The following LYN variants were observed in gnomAD, a reference collection of about 807,000 sequenced individuals.
LYN encodes tyrosine-protein kinase Lyn.
LYN carries 12 observed loss-of-function variants against 65.0 expected under a neutral mutation model. The ratio of observed to expected loss-of-function variants is 0.18; its 90% CI spans 0.12 to 0.30. The LOEUF is 0.30. LYN is among the 10% of genes least tolerant of loss of function. The pLI, the probability that LYN is intolerant of heterozygous loss-of-function variation, is 1.00. For missense variants in LYN, 380 were observed against 623.2 expected (o/e 0.61, Z 4.16); for synonymous variants, 222 against 221.2 (o/e 1.00, Z -0.03).
intron 2 of LYN, among the ~76,000 whole-genome samples, chr8:55,943,524 C>T (rs1336873671): frequency 7.0e-6 from 1 of 141,900 alleles, no homozygotes; most frequent in Non-Finnish European, 1.5e-5. Context: ...TGCAGTGAGC[C>T]GAGATTGCGC....
intron 1 of LYN, among the ~76,000 whole-genome samples, chr8:55,925,497 T>C (rs1363223040): frequency 6.6e-6 from 1 of 152,222 alleles, no homozygotes; most frequent in Non-Finnish European, 1.5e-5. Flanking sequence ...AATTATTGCC[T>C]GGCTTTTGAC....
chr8:56,001,090 C>G (rs987851915), intron 12 of LYN, among the ~76,000 whole-genome samples: 5 of 152,026 alleles, frequency 3.3e-5, no homozygotes, highest in African/African-American at 1.2e-4. Context: ...ATTCCATGGT[C>G]CTGGCAGCAG....
In LYN at chr8:55,932,393, A is replaced by G. The variant is rs571503771; in HGVS notation, c.-5-9462A>G. On this transcript the variant is annotated intron_variant, in intron 1 of 12. Coordinates refer to ENST00000519728, the MANE Select transcript of LYN (RefSeq NM_002350.4). ...AATAGAACATTTGTCAAAATCTTTT[A>G]AAACAATTATATATATATTTTTTGT... Among the ~76,000 whole-genome samples, 9 of 148,394 alleles carry G rather than the reference A, an allele frequency of 6.1e-5. No individual in the cohort carries two copies. The East Asian group carries it at 1.2e-3, about 19-fold the overall frequency.
rs1312038529 is a variant in LYN at position 55,954,053 on chromosome 8, A to G, written c.790+69A>G. 3.9e-6 allele frequency: 6 copies of G among 1,526,142 alleles called. No homozygotes were observed. In the Admixed American group the frequency reaches 5.5e-5, roughly 14 times the overall value. 94.5% of individuals were successfully genotyped at this position (1,526,142 alleles called of 1,614,324 possible). ...ACAGGAGAAGTAAAGGCTCAAGCCAATTTCGATCAGCTTCTGAGCCAGACA... is the reference window on the plus strand; with the variant it reads ...ACAGGAGAAGTAAAGGCTCAAGCCAGTTTCGATCAGCTTCTGAGCCAGACA... On this transcript the variant is annotated intron_variant, in intron 8 of 12. Coordinates refer to ENST00000519728, the MANE Select transcript of LYN (RefSeq NM_002350.4).
rs1808860072 is a variant in LYN at position 56,013,138 on chromosome 8, A to C, written c.*3028A>C. ...GCAGCCCTGGCTGTCCCAAGGGTGC[A>C]TAAAAGGATAATAACTAAAAGGAGG... On this transcript the variant is annotated 3_prime_UTR_variant, in exon 13 of 13. Coordinates refer to ENST00000519728, the MANE Select transcript of LYN (RefSeq NM_002350.4). 1.3e-5 allele frequency: 2 copies of C among 152,330 alleles called. No homozygotes were observed. The highest frequency in any genetic ancestry group is 6.5e-5 in the Admixed American group (1 of 15,288). The allele number at this position is 152,330 out of a possible 1,614,324, so 9.4% of individuals were successfully genotyped here.
intron 2 of LYN, among the ~76,000 whole-genome samples, chr8:55,945,720 C>G (rs1446969136): frequency 6.6e-6 from 1 of 151,988 alleles, no homozygotes; most frequent in African/African-American, 2.4e-5. Context: ...CAAATCCTTC[C>G]CAATAACTCA....
At chr8:55,911,433 A>G (rs986911873) in intron 1 of LYN, among the ~76,000 whole-genome samples, 11 of 149,806 alleles carry the variant, frequency 7.3e-5, no homozygotes, top group African/African-American at 2.7e-4. Context: ...GTTTTTTACT[A>G]AATTTTAAAA....
chr8:55,892,290 C>T (rs1804981920), intron 1 of LYN, among the ~76,000 whole-genome samples: 1 of 152,110 alleles, frequency 6.6e-6, no homozygotes, highest in African/African-American at 2.4e-5. Context: ...TGTGGTGGCA[C>T]ACACCTGTAG....
intron 1 of LYN, among the ~76,000 whole-genome samples, chr8:55,922,479 G>T: frequency 6.6e-6 from 1 of 151,352 alleles, no homozygotes; most frequent in South Asian, 2.1e-4. Context: ...AGTCTCCGAA[G>T]AATTATAAAC....
intron 9 of LYN, 98 bp from the exon 10 acceptor site, chr8:55,969,619 T>TG: frequency 1.1e-6 from 1 of 909,232 alleles, no homozygotes; most frequent in Non-Finnish European, 1.8e-6. Context: ...AATCATTTTG[T>TG]GGGGAGTTCC....
intron 10 of LYN, among the ~76,000 whole-genome samples, chr8:55,972,137 A>C (rs970342862): frequency 3.9e-5 from 6 of 152,340 alleles, no homozygotes; most frequent in African/African-American, 1.4e-4. Flanking sequence ...GGTGGAACCC[A>C]TAGTTCATCT....
In LYN at chr8:55,883,291, T is replaced by C. The variant is rs536125014; in HGVS notation, c.-6+3188T>C. On this transcript the variant is annotated intron_variant, in intron 1 of 12. Transcript: ENST00000519728. ...CTTAAAAGCAAATAAATAGGTCATT[T>C]AACAAACATTTTAAAAGTGAAATCA... is the stretch of plus-strand genomic sequence containing the variant. Among the ~76,000 whole-genome samples, 19 of 152,360 alleles carry C rather than the reference T, an allele frequency of 1.2e-4. No individual in the cohort carries two copies. The South Asian group carries it at 3.9e-3, about 32-fold the overall frequency.
chr8:55,918,009 C>T (rs1805828136), intron 1 of LYN, among the ~76,000 whole-genome samples: 1 of 152,204 alleles, frequency 6.6e-6, no homozygotes, highest in Non-Finnish European at 1.5e-5. Context: ...TGAGATATTG[C>T]ACCAAACTGC....
rs368390395 is a variant in LYN, at chr8:55,978,510, T to C, written c.1050+8717T>C. On this transcript the variant is annotated intron_variant, in intron 10 of 12. Transcript: ENST00000519728. The stretch of plus-strand genomic sequence containing the variant: ...GCTAGCGTGGACAGGCATTTTAGTA[T>C]AGGGGTCTGGGGCTAGAGGCTTCAA... 3.3e-5 allele frequency among the ~76,000 whole-genome samples: 5 copies of C among 152,164 alleles called. No homozygotes were observed. The East Asian group carries it at 5.8e-4, about 18-fold the overall frequency.
chr8:55,974,733 C>G (rs112429473), intron 10 of LYN, among the ~76,000 whole-genome samples: 3 of 152,182 alleles, frequency 2.0e-5, no homozygotes, highest in Non-Finnish European at 4.4e-5. Context: ...GTTAGACGCT[C>G]ATATTCCACC....
At chr8:55,906,492 G>A (rs559605128) in intron 1 of LYN, among the ~76,000 whole-genome samples, 1 of 152,134 alleles carries the variant, frequency 6.6e-6, no homozygotes, top group East Asian at 1.9e-4. Context: ...AAGTAGCTGG[G>A]ATTACATGTG....
chr8:55,881,351 C>G (rs1295762976), intron 1 of LYN, among the ~76,000 whole-genome samples: 1 of 152,186 alleles, frequency 6.6e-6, no homozygotes, highest in Non-Finnish European at 1.5e-5. Flanking sequence ...AGCCAATAAA[C>G]TGGTGGGCTA....
chr8:55,942,377 ATGTGTATATATATATGTGTATATATG>A (rs1806644551), intron 2 of LYN, among the ~76,000 whole-genome samples: 1 of 139,214 alleles, frequency 7.2e-6, no homozygotes, highest in Non-Finnish European at 1.5e-5. Flanking sequence ...GTGTATATAT[ATGTGTATATATATATGTGTATATATG>A]TGTATATATA....
intron 1 of LYN, among the ~76,000 whole-genome samples, chr8:55,885,957 TG>T (rs1162554547): frequency 1.2e-5 from 1 of 80,268 alleles, no homozygotes; most frequent in African/African-American, 4.8e-5. Flanking sequence ...AAGTGAGGGG[TG>T]GGGCGGGGTG....
Sources: allele counts gnomAD v4.1 joint callset (sites outside exome capture counted in the v4.1 genomes callset), GRCh38; gene constraint gnomAD v4.1.1; transcripts MANE v1.5; gene names NCBI Gene and HGNC (gene_info 2026-07-23, HGNC 2026-07-21).